RGS6: variants seen among roughly 807,000 people sequenced by gnomAD.
RGS6 encodes regulator of G protein signaling 6.
In RGS6, 30 loss-of-function variants were observed where a neutral mutation model predicts 78.5. The observed-to-expected ratio is 0.38, with a 90% CI of 0.29 to 0.52. The LOEUF is 0.52. RGS6 is among the 20% of genes least tolerant of loss of function. The pLI is 0.85. For synonymous variants in RGS6, 206 were observed against 206.0 expected (o/e 1.00, Z 0.00); for missense variants, 495 against 609.7 (o/e 0.81, Z 1.98).
chr14:72,107,134 A>G (rs907041911), intron 2 of RGS6, among the ~76,000 whole-genome samples: 8 of 152,068 alleles, frequency 5.3e-5, no homozygotes, highest in African/African-American at 9.7e-5. Flanking sequence ...GGTAGATTTC[A>G]CACTTGAAAA....
chr14:72,363,794 A>G (rs1047398761), intron 3 of RGS6, among the ~76,000 whole-genome samples: 1 of 152,146 alleles, frequency 6.6e-6, no homozygotes, highest in Non-Finnish European at 1.5e-5. Context: ...AAACATCCTT[A>G]AAAATCTTGA....
At chr14:72,259,493 G>A (rs1035259891) in intron 2 of RGS6, among the ~76,000 whole-genome samples, 3 of 152,170 alleles carry the variant, frequency 2.0e-5, no homozygotes, top group Non-Finnish European at 2.9e-5. Context: ...GAATCCCTGA[G>A]AGGATTGATT....
intron 2 of RGS6, among the ~76,000 whole-genome samples, chr14:72,229,960 CATCCTGTGCCA>C (rs1182363615): frequency 6.6e-6 from 1 of 152,218 alleles, no homozygotes; most frequent in Non-Finnish European, 1.5e-5. Context: ...GCCTCATTTA[CATCCTGTGCCA>C]ATCCTGTGGG....
intron 2 of RGS6, among the ~76,000 whole-genome samples, chr14:72,335,970 G>A (rs1049003141): frequency 6.6e-6 from 1 of 152,118 alleles, no homozygotes; most frequent in South Asian, 2.1e-4. Flanking sequence ...AAGGGAACTC[G>A]GTATTCCTCA....
At chr14:72,468,375 C>CAAA (rs5809574) in intron 7 of RGS6, among the ~76,000 whole-genome samples, 3 of 132,544 alleles carry the variant, frequency 2.3e-5, no homozygotes, top group Admixed American at 7.5e-5. Context: ...GACTCCGTCT[C>CAAA]AAAAAAAAAA....
At chr14:72,133,246 C>G (rs1319646490) in intron 2 of RGS6, among the ~76,000 whole-genome samples, 1 of 152,076 alleles carries the variant, frequency 6.6e-6, no homozygotes, top group Non-Finnish European at 1.5e-5. Flanking sequence ...TATCCTTTAC[C>G]TACCTTGCCT....
intron 1 of RGS6, among the ~76,000 whole-genome samples, chr14:71,933,796 A>C (rs986610623): frequency 1.3e-5 from 2 of 152,158 alleles, no homozygotes; most frequent in African/African-American, 2.4e-5. Flanking sequence ...AACCCCAAAG[A>C]AAAACGCAAA....
intron 2 of RGS6, among the ~76,000 whole-genome samples, chr14:72,344,970 T>C (rs1439196248): frequency 6.6e-6 from 1 of 152,174 alleles, no homozygotes; most frequent in Non-Finnish European, 1.5e-5. Flanking sequence ...ATTTCCATTC[T>C]CCTCTTGCCC....
chr14:72,346,015 T>C (rs2529472), intron 2 of RGS6, among the ~76,000 whole-genome samples: 70,299 of 151,594 alleles, frequency 0.46, 16,556 homozygotes, highest in South Asian at 0.6. Flanking sequence ...TTCACTCCTT[T>C]GCAGACACCA....
intron 2 of RGS6, among the ~76,000 whole-genome samples, chr14:72,296,460 C>T (rs989328223): frequency 6.6e-6 from 1 of 152,172 alleles, no homozygotes; most frequent in Non-Finnish European, 1.5e-5. Flanking sequence ...AATATATGAG[C>T]ATTCTGATTG....
intron 3 of RGS6, among the ~76,000 whole-genome samples, chr14:72,366,131 C>A (rs1417389596): frequency 6.6e-6 from 1 of 152,146 alleles, no homozygotes; most frequent in African/African-American, 2.4e-5. Context: ...AGATAACATG[C>A]TCACCCACCC....
chr14:72,132,853 C>T (rs1000371048), intron 2 of RGS6, among the ~76,000 whole-genome samples: 2 of 150,256 alleles, frequency 1.3e-5, no homozygotes, highest in Non-Finnish European at 3.0e-5. Flanking sequence ...AGGCCAGAGA[C>T]TTGGCTTCAT....
intron 2 of RGS6, among the ~76,000 whole-genome samples, chr14:72,333,746 G>T (rs560799032): frequency 6.6e-5 from 10 of 152,116 alleles, no homozygotes; most frequent in Admixed American, 1.3e-4. Flanking sequence ...CATGACCTTG[G>T]GGAGGCCAGC....
In RGS6 at chr14:72,133,081, G is replaced by A. The variant is rs573684887; in HGVS notation, c.84+168206G>A. Among the ~76,000 whole-genome samples, 13 of 152,294 alleles carry A rather than the reference G, an allele frequency of 8.5e-5. No homozygotes were observed. In the South Asian group the frequency reaches 2.5e-3, roughly 29 times the overall value. On this transcript the variant is annotated intron_variant, in intron 2 of 17. Transcript: ENST00000553525. ...AAGGAAACTGGGGGGCCGAGAAGATGTGGCAAAAGCAGAAACATGTCCATC... is the reference window on the plus strand; with the variant it reads ...AAGGAAACTGGGGGGCCGAGAAGATATGGCAAAAGCAGAAACATGTCCATC...
chr14:72,506,635 T>A (rs74063459), intron 13 of RGS6, among the ~76,000 whole-genome samples: 6,161 of 152,122 alleles, frequency 0.041, 419 homozygotes, highest in African/African-American at 0.14. Context: ...AAGGAAGAAA[T>A]GTGGATCATC....
chr14:72,580,311 C>CCA, the RGS6 span, among the ~76,000 whole-genome samples: 1 of 144,664 alleles, frequency 6.9e-6, no homozygotes, highest in African/African-American at 2.7e-5. Context: ...AAAATGTCCC[C>CCA]CCCACCCCGA....
intron 3 of RGS6, among the ~76,000 whole-genome samples, chr14:72,371,016 C>A (rs745792775): frequency 4.6e-5 from 7 of 152,158 alleles, no homozygotes; most frequent in Admixed American, 4.6e-4. Context: ...AAGAGCATTT[C>A]CAAAAACATT....
intron 2 of RGS6, among the ~76,000 whole-genome samples, chr14:72,062,147 A>C (rs1172531690): frequency 6.6e-6 from 1 of 152,266 alleles, no homozygotes; most frequent in African/African-American, 2.4e-5. Flanking sequence ...GTGACATTTG[A>C]ACAAGAAATT....
intron 17 of RGS6, chr14:72,547,386 C>G (rs1340671747): frequency 7.2e-7 from 1 of 1,393,480 alleles, no homozygotes; most frequent in Non-Finnish European, 9.6e-7. Flanking sequence ...CCCCCCCGAC[C>G]CATGGAAGTC....
Sources: gnomAD v4.1 joint callset for allele counts (sites outside exome capture counted in the v4.1 genomes callset) on GRCh38, gnomAD v4.1.1 for gene constraint, MANE v1.5 for transcripts, NCBI Gene and HGNC (gene_info 2026-07-23, HGNC 2026-07-21) for gene names.